The following MAN1C1 variants were observed in gnomAD, a reference collection of about 807,000 sequenced individuals.
MAN1C1 encodes mannosidase alpha class 1C member 1, also known as mannosyl-oligosaccharide 1,2-alpha-mannosidase IC.
MAN1C1 carries 49 observed loss-of-function variants against 71.5 expected under a neutral mutation model. That is an observed-to-expected ratio of 0.69 (90% CI 0.54 to 0.87). MAN1C1 has a LOEUF of 0.87. Ranked by LOEUF, MAN1C1 falls within the 40% of genes least tolerant of loss-of-function variation. The pLI is 0.00. For synonymous variants in MAN1C1, 352 were observed against 343.7 expected, an observed-to-expected ratio of 1.02 and a Z score of -0.27; for missense variants, 743 against 835.0, an observed-to-expected ratio of 0.89 and a Z score of 1.36.
Position 25,749,322 on chromosome 1 carries a change from T to G in MAN1C1, c.821T>G (p.Leu274Arg). The part of the protein sequence containing the change: ...YIGGLLSAFY[L>R]TGEEVFRIKA... Reference sequence around the variant, plus strand: ...GGGGGACTCCTCTCAGCCTTCTACCTGACAGGAGAAGAGGTGGGTTGGCCT... The same window carrying G: ...GGGGGACTCCTCTCAGCCTTCTACCGGACAGGAGAAGAGGTGGGTTGGCCT... Residue 274 changes from leucine to arginine, a missense_variant, in exon 4 of 12, where the codon CTG (leucine) becomes CGG (arginine). Transcript: ENST00000374332. The G allele has an allele frequency of 6.2e-7, 1 of 1,611,210 alleles. No homozygotes were observed. The highest frequency in any genetic ancestry group is 2.2e-5 in the East Asian group (1 of 44,870).
chr1:25,623,378 A>AGT (rs2045244554), intron 1 of MAN1C1, among the ~76,000 whole-genome samples: 2 of 151,986 alleles, frequency 1.3e-5, no homozygotes, highest in South Asian at 4.1e-4. Context: ...CTCTGTCTTT[A>AGT]GTGTCAGGGC....
rs964271447 is a variant in MAN1C1, at chr1:25,675,607, C to A, written c.541-10833C>A. Among the ~76,000 whole-genome samples, 46 of 150,732 alleles carry A rather than the reference C, an allele frequency of 3.1e-4. 1 individual carries two copies. Among genetic ancestry groups the A allele is most frequent in the African/African-American group, 3.7e-4 (15 of 40,796 alleles). On this transcript the variant is annotated intron_variant, in intron 1 of 11. Transcript: ENST00000374332. ...TGCGGGGGGGGGGGGAGGTGGTTAC[C>A]CAGTGTGGGATTGCTGGATCAAATG...
chr1:25,780,949 T>C lies in MAN1C1; in HGVS notation c.1487T>C (p.Leu496Pro), dbSNP rs376670457. Residue 496 changes from leucine to proline, a missense_variant, in exon 10 of 12, where the codon CTT (leucine) becomes CCT (proline). Transcript: ENST00000374332. ...HESYARSDTKLGPEAFWFNSG... is the reference protein window; with the variant it reads ...HESYARSDTKPGPEAFWFNSG... ...TTGGCTGTTTCCCCAGACACCAAAC[T>C]TGGGCCTGAGGCCTTCTGGTTTAAC... The C allele has an allele frequency of 1.2e-6, 2 of 1,614,008 alleles. No homozygotes were observed. Among genetic ancestry groups the C allele is most frequent in the Non-Finnish European group, 1.7e-6 (2 of 1,179,916 alleles).
chr1:25,754,391 C>T (rs535028684), intron 5 of MAN1C1, among the ~76,000 whole-genome samples: 4 of 152,320 alleles, frequency 2.6e-5, no homozygotes, highest in South Asian at 2.1e-4. Flanking sequence ...GTTGCACCTT[C>T]GTGTTGGCCT....
intron 10 of MAN1C1, among the ~76,000 whole-genome samples, chr1:25,781,864 G>A (rs2047700555): frequency 1.3e-5 from 2 of 152,260 alleles, no homozygotes; most frequent in East Asian, 1.9e-4. Flanking sequence ...CCCCCTCCGT[G>A]GGTAGAAATT....
chr1:25,617,760 G>A lies in MAN1C1; in HGVS notation c.-38G>A. The A allele has an allele frequency of 6.5e-7, 1 of 1,540,518 alleles. No individual in the cohort carries two copies. Among genetic ancestry groups the A allele is most frequent in the Non-Finnish European group, 8.7e-7 (1 of 1,149,240 alleles). ...ACCGCGCCCCCGCAGACACGTGCCT[G>A]GACTCCGAGGGCTTCTGGAGCCACC... is the stretch of plus-strand genomic sequence containing the variant. On this transcript the variant is annotated 5_prime_UTR_variant, in exon 1 of 12. Coordinates refer to ENST00000374332, the MANE Select transcript of MAN1C1 (RefSeq NM_020379.4). The surrounding 1 kb of genome is among the most constrained non-coding windows in gnomAD (Gnocchi z 5.1).
chr1:25,771,564 C>T (rs976888924), intron 7 of MAN1C1, 93 bp from the exon 8 acceptor site: 45 of 906,450 alleles, frequency 5.0e-5, no homozygotes, highest in Non-Finnish European at 7.2e-5. Flanking sequence ...GTACAGGCAC[C>T]GGGCCCCTGA....
Position 25,617,729 on chromosome 1 carries a change from C to T in MAN1C1, c.-69C>T, listed in dbSNP as rs981791961. 2 of 1,457,674 alleles carry T rather than the reference C, an allele frequency of 1.4e-6. No individual in the cohort carries two copies. The highest frequency in any genetic ancestry group is 1.8e-6 in the Non-Finnish European group (2 of 1,101,422). 90.3% of individuals were successfully genotyped at this position (1,457,674 alleles called of 1,614,324 possible). A position where few individuals can be genotyped will look rare whatever the true frequency, so the allele number is the denominator to read the frequency against. The stretch of plus-strand genomic sequence containing the variant: ...TCCCGGGCGGCGCTCCGGACGCCCT[C>T]CCCTCACCGCGCCCCCGCAGACACG... On this transcript the variant is annotated 5_prime_UTR_variant, in exon 1 of 12. Transcript: ENST00000374332. This position sits in a 1 kb window ranked among gnomAD's most constrained non-coding sequence, Gnocchi z 5.1.
chr1:25,748,786 T>C (rs754288274), intron 3 of MAN1C1, among the ~76,000 whole-genome samples: 1 of 152,232 alleles, frequency 6.6e-6, no homozygotes, highest in Non-Finnish European at 1.5e-5. Context: ...CCTGGCTCCC[T>C]CCTTCTTAGC....
At position 25,660,396 on chromosome 1, in the gene MAN1C1, CTTTTTTTTTTTT is replaced by C. The variant is rs1178878513; in HGVS notation, c.541-26027_541-26016del. ...AGCTTGGGCAACAAGAGTGAAATTC[CTTTTTTTTTTTT>C]TTTTTTTTTTTTTTTTGAGTGTCGC... On this transcript the variant is annotated intron_variant, in intron 1 of 11. Transcript: ENST00000374332. Among the ~76,000 whole-genome samples the C allele has an allele frequency of 6.0e-4, 59 of 97,630 alleles. 2 individuals carry two copies. The South Asian group carries it at 0.014, about 23-fold the overall frequency. 64.0% of individuals were successfully genotyped at this position (97,630 alleles called of 152,430 possible). A position where few individuals can be genotyped will look rare whatever the true frequency, so the allele number is the denominator to read the frequency against.
At chr1:25,640,822 G>C (rs1468211528) in intron 1 of MAN1C1, among the ~76,000 whole-genome samples, 1 of 152,200 alleles carries the variant, frequency 6.6e-6, no homozygotes, top group African/African-American at 2.4e-5. Context: ...ATCTATGCCT[G>C]ATTGTTGATC....
At chr1:25,678,925 T>G (rs1352120189) in intron 1 of MAN1C1, among the ~76,000 whole-genome samples, 1 of 152,198 alleles carries the variant, frequency 6.6e-6, no homozygotes, top group Non-Finnish European at 1.5e-5. Context: ...CTTCTCTTTT[T>G]CTGCTTTTCT....
Position 25,779,040 on chromosome 1 carries a change from C to G in MAN1C1, c.1477+716C>G, listed in dbSNP as rs747753436. 1.3e-5 allele frequency among the ~76,000 whole-genome samples: 2 copies of G among 152,128 alleles called. No homozygotes were observed. Among genetic ancestry groups the G allele is most frequent in the Admixed American group, 6.5e-5 (1 of 15,278 alleles). ...AACCCAGGCCTTCTGATGCCTGGTTCCACCCCGTGCGCAAACTGCACCCCT... is the reference window on the plus strand; with the variant it reads ...AACCCAGGCCTTCTGATGCCTGGTTGCACCCCGTGCGCAAACTGCACCCCT... On this transcript the variant is annotated intron_variant, in intron 9 of 11. Coordinates refer to ENST00000374332, the MANE Select transcript of MAN1C1 (RefSeq NM_020379.4). This position sits in a 1 kb window ranked among gnomAD's most constrained non-coding sequence, Gnocchi z 4.6.
chr1:25,776,353 C>T lies in MAN1C1; in HGVS notation c.1258-1752C>T, dbSNP rs1163536766. On this transcript the variant is annotated intron_variant, in intron 8 of 11. Coordinates refer to ENST00000374332, the MANE Select transcript of MAN1C1 (RefSeq NM_020379.4). The surrounding 1 kb of genome is among the most constrained non-coding windows in gnomAD (Gnocchi z 4.3). ...ATCCCCTGAGGTCAGGAGTTCAAGA[C>T]CAGCCTGGCCAACATGGTGAAACCC... Among the ~76,000 whole-genome samples the T allele has an allele frequency of 3.3e-5, 5 of 152,096 alleles. No individual in the cohort carries two copies. The highest frequency in any genetic ancestry group is 4.8e-5 in the African/African-American group (2 of 41,418).
chr1:25,740,515 C>T (rs948875673), intron 2 of MAN1C1, among the ~76,000 whole-genome samples: 2 of 152,168 alleles, frequency 1.3e-5, no homozygotes, highest in African/African-American at 4.8e-5. Flanking sequence ...CGGCTCACTG[C>T]AAGCTCCGCC....
At position 25,670,750 on chromosome 1, in the gene MAN1C1, A is replaced by G. The variant is rs770054468; in HGVS notation, c.541-15690A>G. Among the ~76,000 whole-genome samples the G allele has an allele frequency of 2.0e-4, 31 of 152,226 alleles. 1 individual carries two copies. The highest frequency in any genetic ancestry group is 1.5e-5 in the Non-Finnish European group (1 of 68,036). ...ACACTGGCTCTGCCACCTGCCAGCT[A>G]CAGAGCCCAAATGTTGGCAAAAGGA... On this transcript the variant is annotated intron_variant, in intron 1 of 11. Coordinates refer to ENST00000374332, the MANE Select transcript of MAN1C1 (RefSeq NM_020379.4).
intron 1 of MAN1C1, among the ~76,000 whole-genome samples, chr1:25,644,177 C>T (rs147413030): frequency 1.5e-3 from 225 of 152,040 alleles, no homozygotes; most frequent in African/African-American, 5.1e-3. Context: ...GAGCCATGGG[C>T]GTGGGGGAAA....
chr1:25,653,802 C>T (rs568191978), intron 1 of MAN1C1, among the ~76,000 whole-genome samples: 20 of 152,204 alleles, frequency 1.3e-4, no homozygotes, highest in African/African-American at 3.6e-4. Context: ...CAGGTCGGGG[C>T]GGGGAGCAGC....
intron 8 of MAN1C1, among the ~76,000 whole-genome samples, chr1:25,777,846 G>C: frequency 6.6e-6 from 1 of 152,116 alleles, no homozygotes; most frequent in East Asian, 1.9e-4. Flanking sequence ...TTAAAACATG[G>C]AAGATTTTAA....
Sources: allele counts gnomAD v4.1 joint callset (sites outside exome capture counted in the v4.1 genomes callset), GRCh38; gene constraint gnomAD v4.1.1; non-coding constraint Gnocchi (gnomAD v3.1); transcripts MANE v1.5; gene names NCBI Gene and HGNC (gene_info 2026-07-23, HGNC 2026-07-21).